The following CERS6 variants were observed in gnomAD, a reference collection of about 807,000 sequenced individuals.
The protein encoded by CERS6 is LAG1 homolog, ceramide synthase 6.
A neutral mutation model predicts 56.8 loss-of-function variants in CERS6; 26 were observed. That is an observed-to-expected ratio of 0.46 (90% CI 0.34 to 0.63). CERS6 has a LOEUF of 0.63. Ranked by LOEUF, CERS6 falls within the 30% of genes least tolerant of loss-of-function variation. The probability of loss-of-function intolerance (pLI) is 0.01; values close to 1 mark genes in which losing one functional copy is unlikely to be tolerated. For synonymous variants in CERS6, 164 were observed against 173.3 expected, an observed-to-expected ratio of 0.95 and a Z score of 0.42; for missense variants, 415 against 467.5, an observed-to-expected ratio of 0.89 and a Z score of 1.04.
At chr2:168,742,346 T>C (rs1559076088) in intron 8 of CERS6, among the ~76,000 whole-genome samples, 1 of 152,206 alleles carries the variant, frequency 6.6e-6, no homozygotes, top group African/African-American at 2.4e-5. Context: ...TCAAAAGTTA[T>C]GCGTATGGGT....
chr2:168,526,825 G>C (rs1172704665), intron 1 of CERS6, among the ~76,000 whole-genome samples: 1 of 152,240 alleles, frequency 6.6e-6, no homozygotes, highest in Non-Finnish European at 1.5e-5. Flanking sequence ...TGGTCAGTTA[G>C]TATCTCTTTA....
intron 3 of CERS6, among the ~76,000 whole-genome samples, chr2:168,628,645 T>C (rs1279523337): frequency 6.6e-6 from 1 of 152,194 alleles, no homozygotes; most frequent in Non-Finnish European, 1.5e-5. Flanking sequence ...CCTCAAGAAA[T>C]GTACGTAATC....
chr2:168,679,570 C>T (rs1223297407), intron 4 of CERS6, among the ~76,000 whole-genome samples: 4 of 152,302 alleles, frequency 2.6e-5, no homozygotes, highest in South Asian at 2.1e-4. Flanking sequence ...CTCGTAATCT[C>T]GCTCTGTGTG....
chr2:168,764,886 G>A (rs991547212), intron 8 of CERS6, among the ~76,000 whole-genome samples: 1 of 152,162 alleles, frequency 6.6e-6, no homozygotes, highest in African/African-American at 2.4e-5. Context: ...GTATATGCCC[G>A]AAAGATACAT....
intron 2 of CERS6, among the ~76,000 whole-genome samples, chr2:168,553,920 A>C (rs566411970): frequency 6.6e-6 from 1 of 152,230 alleles, no homozygotes; most frequent in Non-Finnish European, 1.5e-5. Context: ...GAGTCAAAGC[A>C]TATCAGTGAA....
chr2:168,555,722 C>CTG (rs58781728), intron 2 of CERS6, among the ~76,000 whole-genome samples: 5,799 of 140,902 alleles, frequency 0.041, 129 homozygotes, highest in South Asian at 0.052. Context: ...ATAATTGACT[C>CTG]TGTGTGTGTG....
chr2:168,668,705 C>T (rs1233632381), intron 4 of CERS6, among the ~76,000 whole-genome samples: 3 of 152,106 alleles, frequency 2.0e-5, no homozygotes, highest in Non-Finnish European at 2.9e-5. Context: ...CTGCCCACCT[C>T]GGCCTCCCAC....
Position 168,680,244 on chromosome 2 carries a change from G to A in CERS6, c.466-10790G>A, listed in dbSNP as rs568430101. Among the ~76,000 whole-genome samples the A allele has an allele frequency of 9.8e-5, 15 of 152,294 alleles. No homozygotes were observed. In the East Asian group the frequency reaches 2.7e-3, roughly 27 times the overall value. On this transcript the variant is annotated intron_variant, in intron 4 of 9. Coordinates refer to ENST00000305747, the MANE Select transcript of CERS6 (RefSeq NM_203463.3). ...GCAGGGGATGCTGGCTGGGAAGAGT[G>A]GACTTAGTCGTGCACGGTCACAGTG...
At chr2:168,704,418 G>A (rs1686881652) in intron 6 of CERS6, among the ~76,000 whole-genome samples, 1 of 152,078 alleles carries the variant, frequency 6.6e-6, no homozygotes, top group Non-Finnish European at 1.5e-5. Flanking sequence ...TTTCTCTCAA[G>A]TCAATTCTAG....
At chr2:168,667,322 G>T (rs1019989500) in intron 4 of CERS6, among the ~76,000 whole-genome samples, 4 of 152,144 alleles carry the variant, frequency 2.6e-5, no homozygotes, top group Non-Finnish European at 5.9e-5. Context: ...TGTTTTATAG[G>T]TAAAGTGGCC....
chr2:168,632,206 A>G (rs1479044138), intron 4 of CERS6, among the ~76,000 whole-genome samples: 1 of 152,096 alleles, frequency 6.6e-6, no homozygotes, highest in Non-Finnish European at 1.5e-5. Flanking sequence ...AACATGGGGA[A>G]TTATTTTTAA....
chr2:168,769,431 T>G, intron 9 of CERS6, 79 bp from the exon 10 acceptor site: 2 of 1,291,966 alleles, frequency 1.5e-6, no homozygotes, highest in East Asian at 2.6e-5. Flanking sequence ...CCCTTGTGTA[T>G]GACTGCATGT....
intron 6 of CERS6, among the ~76,000 whole-genome samples, chr2:168,700,903 T>C (rs11680405): frequency 0.27 from 40,545 of 152,120 alleles, 6,601 homozygotes; most frequent in Middle Eastern, 0.44. Flanking sequence ...TACTGCCAGT[T>C]CTTCACCCTC....
At chr2:168,735,016 C>T (rs1406418294) in intron 8 of CERS6, among the ~76,000 whole-genome samples, 12 of 152,150 alleles carry the variant, frequency 7.9e-5, no homozygotes, top group African/African-American at 2.7e-4. Context: ...TATTAGGCCA[C>T]AGGAGTTAAA....
At chr2:168,624,753 GT>G (rs1684552243) in intron 3 of CERS6, among the ~76,000 whole-genome samples, 1 of 152,088 alleles carries the variant, frequency 6.6e-6, no homozygotes, top group African/African-American at 2.4e-5. Context: ...TCATTGGAAG[GT>G]TTTTATAAAT....
At chr2:168,673,569 A>C (rs558956641) in intron 4 of CERS6, among the ~76,000 whole-genome samples, 9 of 152,340 alleles carry the variant, frequency 5.9e-5, no homozygotes, top group African/African-American at 2.2e-4. Context: ...TATTTGGTCC[A>C]GCCTCTAATT....
At chr2:168,531,953 G>A (rs971460811) in intron 1 of CERS6, among the ~76,000 whole-genome samples, 1 of 152,160 alleles carries the variant, frequency 6.6e-6, no homozygotes, top group East Asian at 1.9e-4. Context: ...GGGCTCCATT[G>A]TGAGAGGTGC....
chr2:168,630,346 A>T (rs1432415597), intron 3 of CERS6, among the ~76,000 whole-genome samples: 1 of 152,008 alleles, frequency 6.6e-6, no homozygotes, highest in Non-Finnish European at 1.5e-5. Context: ...CTTATATTTT[A>T]AAAGACTTAA....
At chr2:168,562,137 A>G (rs952290725) in intron 3 of CERS6, among the ~76,000 whole-genome samples, 14 of 152,144 alleles carry the variant, frequency 9.2e-5, no homozygotes, top group African/African-American at 2.7e-4. Flanking sequence ...ACGTCTGGTC[A>G]TTTAAACAGT....
Sources: allele counts gnomAD v4.1 joint callset (sites outside exome capture counted in the v4.1 genomes callset), GRCh38; gene constraint gnomAD v4.1.1; transcripts MANE v1.5; gene names NCBI Gene and HGNC (gene_info 2026-07-23, HGNC 2026-07-21).